PRKCH: variants seen among roughly 807,000 people sequenced by gnomAD.
PRKCH encodes protein kinase C eta, also known as protein kinase C eta type.
In PRKCH, 28 loss-of-function variants were observed where a neutral mutation model predicts 82.5. That is an observed-to-expected ratio of 0.34 (90% CI 0.25 to 0.47). The LOEUF (loss-of-function observed/expected upper bound fraction) is 0.47, where lower values mean the gene tolerates loss of function less well. PRKCH is among the 20% of genes least tolerant of loss of function. The probability of loss-of-function intolerance (pLI) is 1.00; values close to 1 mark genes in which losing one functional copy is unlikely to be tolerated. For missense variants in PRKCH, 705 were observed against 881.8 expected (o/e 0.80, Z 2.54); for synonymous variants, 322 against 327.4 (o/e 0.98, Z 0.18).
intron 1 of PRKCH, among the ~76,000 whole-genome samples, chr14:61,368,499 T>C (rs150842750): frequency 0.01 from 1,593 of 152,146 alleles, 46 homozygotes; most frequent in South Asian, 0.064. Context: ...GGAAAGGCTT[T>C]ACAGGCAGAA....
intron 1 of PRKCH, among the ~76,000 whole-genome samples, chr14:61,345,404 C>G (rs553080320): frequency 6.6e-6 from 1 of 152,294 alleles, no homozygotes; most frequent in African/African-American, 2.4e-5. Context: ...TTTTCTCCAT[C>G]CAGAGGCTTT....
chr14:61,223,784 G>A (rs1428900575), intron 1 of PRKCH, among the ~76,000 whole-genome samples: 1 of 152,150 alleles, frequency 6.6e-6, no homozygotes, highest in Non-Finnish European at 1.5e-5. Flanking sequence ...GAGCCAAATG[G>A]CTTTCTCAAA....
intron 1 of PRKCH, among the ~76,000 whole-genome samples, chr14:61,273,469 T>G (rs773865544): frequency 6.6e-6 from 1 of 152,210 alleles, no homozygotes; most frequent in Non-Finnish European, 1.5e-5. Flanking sequence ...AATATTACAG[T>G]AAGTAAAAAA....
At chr14:61,349,882 T>C (rs980710715) in intron 1 of PRKCH, among the ~76,000 whole-genome samples, 2 of 151,708 alleles carry the variant, frequency 1.3e-5, no homozygotes, top group Admixed American at 1.3e-4. Flanking sequence ...AAAAAAGAAA[T>C]GCTGGTATGT....
intron 1 of PRKCH, among the ~76,000 whole-genome samples, chr14:61,192,429 C>G (rs955366117): frequency 6.6e-6 from 1 of 152,212 alleles, no homozygotes; most frequent in Non-Finnish European, 1.5e-5. Context: ...GTAGGTAAAT[C>G]TCCTAGAATA....
At chr14:61,428,084 C>G (rs1018963533) in intron 2 of PRKCH, among the ~76,000 whole-genome samples, 3 of 91,422 alleles carry the variant, frequency 3.3e-5, no homozygotes, top group Non-Finnish European at 6.9e-5. Flanking sequence ...GATACACACA[C>G]ACACACACAC....
intron 1 of PRKCH, among the ~76,000 whole-genome samples, chr14:61,221,171 A>G (rs1268883458): frequency 1.3e-5 from 2 of 152,208 alleles, no homozygotes; most frequent in Admixed American, 1.3e-4. Flanking sequence ...TCCAACAGCG[A>G]TCGGCTCAGA....
At chr14:61,475,199 A>C (rs1344598575) in intron 9 of PRKCH, among the ~76,000 whole-genome samples, 2 of 152,230 alleles carry the variant, frequency 1.3e-5, no homozygotes, top group Non-Finnish European at 2.9e-5. Context: ...TAAGTCCATA[A>C]ATATCCTATT....
rs1284986701 is a variant in PRKCH at position 61,529,276 on chromosome 14, G to A, written c.1572+63G>A. On this transcript the variant is annotated intron_variant, in intron 11 of 13. Coordinates refer to ENST00000332981, the MANE Select transcript of PRKCH (RefSeq NM_006255.5). ...CTCTCCAGTAACTCTGACCAGAAAT[G>A]CCACTGGCTGCTTTTATGCACTGCA... The A allele has an allele frequency of 3.3e-6, 5 of 1,530,480 alleles. No individual in the cohort carries two copies. The East Asian group carries it at 1.2e-4, about 36-fold the overall frequency. 94.8% of individuals were successfully genotyped at this position (1,530,480 alleles called of 1,614,324 possible).
At chr14:61,511,711 A>G (rs1329315565) in intron 10 of PRKCH, among the ~76,000 whole-genome samples, 1 of 152,206 alleles carries the variant, frequency 6.6e-6, no homozygotes, top group Non-Finnish European at 1.5e-5. Context: ...CTGCCCACAC[A>G]TGCTTGTCAT....
At chr14:61,478,957 A>G (rs1486715625) in intron 9 of PRKCH, among the ~76,000 whole-genome samples, 3 of 152,016 alleles carry the variant, frequency 2.0e-5, no homozygotes, top group African/African-American at 7.2e-5. Context: ...AAGGCTATGC[A>G]AAAAAAAGAA....
chr14:61,516,047 A>C (rs930013204), intron 10 of PRKCH, among the ~76,000 whole-genome samples: 2 of 152,208 alleles, frequency 1.3e-5, no homozygotes, highest in Non-Finnish European at 2.9e-5. Flanking sequence ...AGTAAAACTA[A>C]AACTAAACTC....
rs551736740 is a variant in PRKCH at position 61,463,584 on chromosome 14, C to T, written c.1278+5905C>T. Among the ~76,000 whole-genome samples the T allele has an allele frequency of 2.6e-5, 4 of 152,180 alleles. No individual in the cohort carries two copies. The East Asian group carries it at 7.7e-4, about 29-fold the overall frequency. On this transcript the variant is annotated intron_variant, in intron 9 of 13. Coordinates refer to ENST00000332981, the MANE Select transcript of PRKCH (RefSeq NM_006255.5). ...AATAGTTTGTGACTAATTTGATAACCTGTACTAAAACTCACAAAATGTATA... is the reference window on the plus strand; with the variant it reads ...AATAGTTTGTGACTAATTTGATAACTTGTACTAAAACTCACAAAATGTATA...
chr14:61,548,412 G>A (rs1415275805), intron 13 of PRKCH, among the ~76,000 whole-genome samples: 1 of 152,232 alleles, frequency 6.6e-6, no homozygotes, highest in Non-Finnish European at 1.5e-5. Flanking sequence ...GAAATACTGG[G>A]ATCTCCAGGG....
intron 1 of PRKCH, among the ~76,000 whole-genome samples, chr14:61,345,609 A>G (rs1449603702): frequency 6.6e-6 from 1 of 152,254 alleles, no homozygotes; most frequent in African/African-American, 2.4e-5. Flanking sequence ...TAGGAGATAC[A>G]CAATAAGGAT....
intron 1 of PRKCH, among the ~76,000 whole-genome samples, chr14:61,314,255 T>C (rs1462807186): frequency 6.6e-6 from 1 of 152,180 alleles, no homozygotes; most frequent in East Asian, 1.9e-4. Context: ...TGGGCTGTCA[T>C]AAATCTGTTT....
At chr14:61,484,599 T>G (rs985595199) in intron 9 of PRKCH, among the ~76,000 whole-genome samples, 2 of 152,168 alleles carry the variant, frequency 1.3e-5, no homozygotes, top group Non-Finnish European at 2.9e-5. Context: ...TTTAGTACAC[T>G]GCATAGTGAC....
chr14:61,249,445 AT>A (rs2044920062), intron 1 of PRKCH, among the ~76,000 whole-genome samples: 1 of 150,454 alleles, frequency 6.6e-6, no homozygotes, highest in Non-Finnish European at 1.5e-5. Context: ...TTAAAAAAAC[AT>A]TGGAGTCATA....
chr14:61,397,693 C>T (rs1263815519), intron 2 of PRKCH, among the ~76,000 whole-genome samples: 5 of 152,128 alleles, frequency 3.3e-5, no homozygotes, highest in African/African-American at 9.7e-5. Context: ...GATTGTTTAC[C>T]GTCTTCCAAA....
Sources: gnomAD v4.1 joint callset for allele counts (sites outside exome capture counted in the v4.1 genomes callset) on GRCh38, gnomAD v4.1.1 for gene constraint, MANE v1.5 for transcripts, NCBI Gene and HGNC (gene_info 2026-07-23, HGNC 2026-07-21) for gene names.